Variants in NRXN3 observed in about 807,000 individuals in gnomAD.
The protein encoded by NRXN3 is neurexin III.
NRXN3 carries 32 observed loss-of-function variants against 137.6 expected under a neutral mutation model. That is an observed-to-expected ratio of 0.23 (90% confidence interval 0.18 to 0.31). The LOEUF (loss-of-function observed/expected upper bound fraction) is 0.31. Among genes scored for constraint, NRXN3 ranks in the 10% least tolerant of loss-of-function variants. NRXN3 has a pLI of 1.00. For synonymous variants in NRXN3, 798 were observed against 784.5 expected (o/e 1.02, Z -0.29); for missense variants, 1,574 against 2,062.5 (o/e 0.76, Z 4.59).
chr14:79,668,646 A>C (rs2153993631), intron 17 of NRXN3, among the ~76,000 whole-genome samples: 1 of 152,224 alleles, frequency 6.6e-6, no homozygotes, highest in Non-Finnish European at 1.5e-5. Flanking sequence ...CTAGTTAGTA[A>C]GGTTTTTCAA....
intron 16 of NRXN3, among the ~76,000 whole-genome samples, chr14:79,588,482 C>T (rs1157525961): frequency 6.6e-6 from 1 of 152,172 alleles, no homozygotes; most frequent in East Asian, 1.9e-4. Context: ...GAAAAAAAGG[C>T]TGCTATTTGA....
At chr14:78,173,824 C>T (rs10145155) in intron 1 of NRXN3, among the ~76,000 whole-genome samples, 6,804 of 148,400 alleles carry the variant, frequency 0.046, 444 homozygotes, top group African/African-American at 0.15. Flanking sequence ...CACTGGCATA[C>T]GCTCTTGCAC....
chr14:79,660,026 T>C (rs988783023), intron 16 of NRXN3, among the ~76,000 whole-genome samples: 13 of 152,174 alleles, frequency 8.5e-5, no homozygotes, highest in Non-Finnish European at 1.6e-4. Flanking sequence ...AATGCTGATA[T>C]CCTGTCCTTA....
chr14:79,664,967 A>T (rs1354908254), intron 17 of NRXN3, among the ~76,000 whole-genome samples: 1 of 152,174 alleles, frequency 6.6e-6, no homozygotes, highest in African/African-American at 2.4e-5. Context: ...AGGTGGGCAC[A>T]ATAACAAAGA....
In NRXN3 at chr14:78,874,379, G is replaced by A. The variant is rs562493398; in HGVS notation, c.2275+64035G>A. Among the ~76,000 whole-genome samples the A allele has an allele frequency of 1.3e-4, 20 of 152,202 alleles. No homozygotes were observed. The South Asian group carries it at 2.9e-3, about 22-fold the overall frequency. The stretch of plus-strand genomic sequence containing the variant: ...TTGTCGTAAGTAATGTAATCAATGT[G>A]GAATAGGGCTGTAAACCTATTTTAA... On this transcript the variant is annotated intron_variant, in intron 10 of 20. Coordinates refer to ENST00000335750, the MANE Select transcript of NRXN3 (RefSeq NM_001330195.2).
At position 79,867,137 on chromosome 14, in the gene NRXN3, T is replaced by C. The variant is rs2099418383; in HGVS notation, c.*5173T>C. ...GACTTCTCCAAGGTCACACAGCTAA[T>C]ACATGACAATGTCATGACTTAAAAT... is the stretch of plus-strand genomic sequence containing the variant. On this transcript the variant is annotated 3_prime_UTR_variant, in exon 21 of 21. Transcript: ENST00000335750. 1.3e-5 allele frequency: 2 copies of C among 152,216 alleles called. No individual in the cohort carries two copies. The highest frequency in any genetic ancestry group is 4.1e-4 in the South Asian group (2 of 4,834). 9.4% of individuals were successfully genotyped at this position (152,216 alleles called of 1,614,324 possible).
intron 1 of NRXN3, among the ~76,000 whole-genome samples, chr14:78,194,244 A>G (rs1238800690): frequency 6.6e-6 from 1 of 152,222 alleles, no homozygotes; most frequent in Non-Finnish European, 1.5e-5. Flanking sequence ...TTGAGAGTAC[A>G]GGACTGCAAC....
At chr14:79,575,400 G>A (rs2097654564) in intron 16 of NRXN3, among the ~76,000 whole-genome samples, 1 of 152,228 alleles carries the variant, frequency 6.6e-6, no homozygotes, top group Admixed American at 6.5e-5. Flanking sequence ...CAGGGAGAGT[G>A]AATTCAGGGG....
intron 15 of NRXN3, among the ~76,000 whole-genome samples, chr14:79,064,558 C>T (rs1285705378): frequency 1.3e-5 from 2 of 151,632 alleles, no homozygotes; most frequent in Non-Finnish European, 2.9e-5. Context: ...CTGGACTCAG[C>T]ATTTTGGTTT....
intron 15 of NRXN3, among the ~76,000 whole-genome samples, chr14:79,355,050 T>C (rs1362451315): frequency 2.6e-5 from 4 of 152,214 alleles, no homozygotes; most frequent in Non-Finnish European, 5.9e-5. Context: ...ACAATGTTGC[T>C]TAAAATTTTA....
intron 10 of NRXN3, among the ~76,000 whole-genome samples, chr14:78,909,051 A>G (rs2099228379): frequency 6.6e-6 from 1 of 152,156 alleles, no homozygotes; most frequent in East Asian, 1.9e-4. Context: ...CAGCCTACAC[A>G]ATTCTTACTG....
intron 1 of NRXN3, among the ~76,000 whole-genome samples, chr14:78,173,934 C>A (rs979478352): frequency 6.6e-6 from 1 of 151,866 alleles, no homozygotes; most frequent in African/African-American, 2.4e-5. Context: ...ATGGCTCCTT[C>A]CCCCCATCTT....
chr14:78,996,729 G>T (rs2099530954), intron 15 of NRXN3, among the ~76,000 whole-genome samples: 1 of 152,132 alleles, frequency 6.6e-6, no homozygotes, highest in Non-Finnish European at 1.5e-5. Context: ...AGTCAGTGAG[G>T]CTGAGAGGGG....
chr14:79,615,115 G>T lies in NRXN3; in HGVS notation c.3445-48663G>T, dbSNP rs72696771. ...TTTACCTAAAGATAACAAGAGATTA[G>T]CCCTTAGTGACAGATGACTAATATA... On this transcript the variant is annotated intron_variant, in intron 16 of 20. Transcript: ENST00000335750. Among the ~76,000 whole-genome samples the T allele has an allele frequency of 1.4e-3, 214 of 152,302 alleles. 2 individuals are homozygous for T. Among genetic ancestry groups the T allele is most frequent in the Middle Eastern group, 3.4e-3 (1 of 294 alleles).
chr14:79,082,514 A>G (rs1209400115), intron 15 of NRXN3, among the ~76,000 whole-genome samples: 1 of 152,022 alleles, frequency 6.6e-6, no homozygotes, highest in Non-Finnish European at 1.5e-5. Context: ...AGTTTGCAAT[A>G]ATCAGAGTCA....
At chr14:78,494,421 G>GTTTTTTTTTTTTTTTTTTTTT (rs139596761) in intron 4 of NRXN3, among the ~76,000 whole-genome samples, 2 of 132,442 alleles carry the variant, frequency 1.5e-5, no homozygotes, top group Non-Finnish European at 1.7e-5. Context: ...TACCAGAGGT[G>GTTTTTTTTTTTTTTTTTTTTT]TTTTGTTTTT....
intron 16 of NRXN3, among the ~76,000 whole-genome samples, chr14:79,474,624 C>T (rs145901874): frequency 3.1e-3 from 469 of 152,120 alleles, no homozygotes; most frequent in Non-Finnish European, 5.5e-3. Context: ...CATTATATAG[C>T]GTTGTGTCTC....
intron 15 of NRXN3, among the ~76,000 whole-genome samples, chr14:79,002,401 T>C (rs1252701413): frequency 6.6e-6 from 1 of 152,038 alleles, no homozygotes; most frequent in African/African-American, 2.4e-5. Context: ...CCAGTGTGTG[T>C]TGTTCCTCTC....
intron 4 of NRXN3, among the ~76,000 whole-genome samples, chr14:78,308,158 T>C (rs531402976): frequency 6.6e-6 from 1 of 152,252 alleles, no homozygotes; most frequent in East Asian, 1.9e-4. Flanking sequence ...TGTGTGCATG[T>C]GCATGCATGT....
Sources: allele counts gnomAD v4.1 joint callset (sites outside exome capture counted in the v4.1 genomes callset), GRCh38; gene constraint gnomAD v4.1.1; transcripts MANE v1.5; gene names NCBI Gene and HGNC (gene_info 2026-07-23, HGNC 2026-07-21).